Variants in TANC1 observed in about 807,000 individuals in gnomAD.
The protein encoded by TANC1 is tetratricopeptide repeat, ankyrin repeat and coiled-coil containing 1.
A neutral mutation model predicts 149.7 loss-of-function variants in TANC1; 77 were observed. The ratio of observed to expected loss-of-function variants is 0.51; its 90% CI spans 0.43 to 0.62. The LOEUF (loss-of-function observed/expected upper bound fraction) is 0.62. Among genes scored for constraint, TANC1 ranks in the 20% least tolerant of loss-of-function variants. The pLI, the probability that TANC1 is intolerant of heterozygous loss-of-function variation, is 0.00. For missense variants in TANC1, 1,985 were observed against 2,321.8 expected (o/e 0.85, Z 2.98); for synonymous variants, 854 against 925.0 (o/e 0.92, Z 1.39).
intron 7 of TANC1, among the ~76,000 whole-genome samples, chr2:159,151,472 T>C (rs1027307976): frequency 3.3e-5 from 5 of 152,246 alleles, no homozygotes; most frequent in African/African-American, 9.6e-5. Flanking sequence ...AACTCCCCTT[T>C]TGCTGAGTTA....
chr2:158,988,709 C>T (rs141469499), intron 1 of TANC1, among the ~76,000 whole-genome samples: 3 of 152,268 alleles, frequency 2.0e-5, no homozygotes, highest in East Asian at 3.9e-4. Context: ...AGGCTCTGTG[C>T]TAAGTGCTAG....
intron 4 of TANC1, among the ~76,000 whole-genome samples, chr2:159,125,014 A>G (rs1559304778): frequency 6.6e-6 from 1 of 152,082 alleles, no homozygotes; most frequent in Non-Finnish European, 1.5e-5. Context: ...AAGTGCTGGG[A>G]TTTCAGGCGT....
At chr2:159,213,426 C>G (rs917528388) in intron 19 of TANC1, among the ~76,000 whole-genome samples, 1 of 151,874 alleles carries the variant, frequency 6.6e-6, no homozygotes, top group African/African-American at 2.4e-5. Flanking sequence ...AACCCCCCCA[C>G]CTCTGTCTCA....
chr2:158,994,471 A>G (rs560466763), intron 1 of TANC1, among the ~76,000 whole-genome samples: 59 of 152,206 alleles, frequency 3.9e-4, no homozygotes, highest in African/African-American at 1.3e-3. Context: ...TGGGATGTCT[A>G]CTTGCCTAGG....
At chr2:159,035,007 A>T (rs889602531) in intron 2 of TANC1, among the ~76,000 whole-genome samples, 1 of 152,198 alleles carries the variant, frequency 6.6e-6, no homozygotes, top group African/African-American at 2.4e-5. Flanking sequence ...CGATGGAGAC[A>T]TGCTTTGGTC....
chr2:159,033,173 C>T (rs533833530), intron 2 of TANC1, among the ~76,000 whole-genome samples: 135 of 152,158 alleles, frequency 8.9e-4, no homozygotes, highest in Non-Finnish European at 1.7e-3. Flanking sequence ...CTGAAACTCC[C>T]GATTAAAAGC....
chr2:159,111,494 A>C (rs2047715460), intron 4 of TANC1, among the ~76,000 whole-genome samples: 1 of 152,188 alleles, frequency 6.6e-6, no homozygotes, highest in African/African-American at 2.4e-5. Flanking sequence ...CTGTCTCTTG[A>C]TGGCACAGCC....
rs777984907 is a variant in TANC1 at position 159,178,799 on chromosome 2, A to T, written c.2146A>T (p.Arg716Trp). Residue 716 changes from arginine to tryptophan, a missense_variant, in exon 14 of 27, where the codon AGG (arginine) becomes TGG (tryptophan). Physicochemically the swap from Arg to Trp is moderately radical, Grantham distance 101. Around this residue, in one of 3 missense-constraint regions of TANC1, gnomAD observed 508 missense variants for 714.2 expected, o/e 0.71. Transcript: ENST00000263635. ...CAAGCTCACCCTGGACCTTTTCCAG[A>T]GGGGCCACTTGGTCATTAAGAGTGC... The part of the protein sequence containing the change: ...YLKLTLDLFQ[R>W]GHLVIKSASY... The T allele has an allele frequency of 6.2e-7, 1 of 1,614,182 alleles. No individual in the cohort carries two copies. Among genetic ancestry groups the T allele is most frequent in the Non-Finnish European group, 8.5e-7 (1 of 1,180,032 alleles).
chr2:159,221,380 CA>C (rs2059698825), intron 22 of TANC1, among the ~76,000 whole-genome samples: 1 of 150,382 alleles, frequency 6.6e-6, no homozygotes, highest in Non-Finnish European at 1.5e-5. Context: ...GACTCAGTCT[CA>C]AAAAAATAAT....
chr2:159,030,844 C>A (rs2039721363), intron 2 of TANC1, among the ~76,000 whole-genome samples: 1 of 152,144 alleles, frequency 6.6e-6, no homozygotes, highest in South Asian at 2.1e-4. Context: ...GGCTTGGAAC[C>A]CCCATCTCAG....
rs149684664 is a variant in TANC1 at position 159,115,554 on chromosome 2, G to T, written c.259+17720G>T. Among the ~76,000 whole-genome samples, 11 of 152,258 alleles carry T rather than the reference G, an allele frequency of 7.2e-5. No homozygotes were observed. The East Asian group carries it at 1.7e-3, about 24-fold the overall frequency. ...GCTTCCTAGTCCTTTTAATCTCATG[G>T]CACATATAGGAGATTTTTGTACAGC... On this transcript the variant is annotated intron_variant, in intron 4 of 26. Coordinates refer to ENST00000263635, the MANE Select transcript of TANC1 (RefSeq NM_033394.3).
At chr2:159,158,723 G>A (rs1033904552) in intron 7 of TANC1, among the ~76,000 whole-genome samples, 21 of 152,218 alleles carry the variant, frequency 1.4e-4, no homozygotes, top group African/African-American at 4.8e-4. Flanking sequence ...TTATAAGTGG[G>A]CAGAAAGCTT....
intron 4 of TANC1, among the ~76,000 whole-genome samples, chr2:159,135,806 A>G (rs1348176680): frequency 6.6e-6 from 1 of 152,230 alleles, no homozygotes; most frequent in Admixed American, 6.5e-5. Flanking sequence ...GTTAGAGGAA[A>G]ATCAAACCCT....
intron 1 of TANC1, among the ~76,000 whole-genome samples, chr2:158,976,163 G>T (rs905736314): frequency 7.9e-5 from 12 of 152,200 alleles, no homozygotes; most frequent in African/African-American, 2.9e-4. Flanking sequence ...GTGGTCCCCA[G>T]AGTGGAGTGT....
chr2:159,136,532 T>C (rs1342020549), intron 5 of TANC1, among the ~76,000 whole-genome samples: 1 of 152,162 alleles, frequency 6.6e-6, no homozygotes, highest in Admixed American at 6.5e-5. Context: ...AAGGATTGAG[T>C]CCTATTTCCT....
chr2:159,041,693 G>C (rs192869218), intron 2 of TANC1, among the ~76,000 whole-genome samples: 1 of 152,286 alleles, frequency 6.6e-6, no homozygotes, highest in South Asian at 2.1e-4. Context: ...AGTCTGCCAC[G>C]GCTTCCCTTG....
chr2:159,176,582 A>T, intron 13 of TANC1, 64 bp downstream of exon 13: 1 of 1,287,288 alleles, frequency 7.8e-7, no homozygotes, highest in Non-Finnish European at 1.1e-6. Context: ...ATAAATGTTA[A>T]TAACGTAAAA....
Position 159,175,051 on chromosome 2 carries a change from G to C in TANC1, c.1602G>C (p.Gln534His). ...CAGCTTTGCTCTGCCGGTCCCATCA[G>C]CTGGCCGCCTACAGAGACCTTCTGA... ...SIAALLCRSH[Q>H]LAAYRDLLIK... The change falls in exon 12 of 27, where the codon CAG becomes CAC. Residue 534 changes from glutamine to histidine, a missense_variant. Physicochemically the swap from Gln to His is conservative, Grantham distance 24. Coordinates refer to ENST00000263635, the MANE Select transcript of TANC1 (RefSeq NM_033394.3). 1 of 1,614,218 alleles carries C rather than the reference G, an allele frequency of 6.2e-7. No individual in the cohort carries two copies. Among genetic ancestry groups the C allele is most frequent in the Non-Finnish European group, 8.5e-7 (1 of 1,180,044 alleles).
At chr2:159,147,026 C>A (rs2052204494) in intron 5 of TANC1, among the ~76,000 whole-genome samples, 2 of 152,144 alleles carry the variant, frequency 1.3e-5, no homozygotes, top group African/African-American at 4.8e-5. Flanking sequence ...TGTTGCGGTC[C>A]CCCTGCTGCA....
Sources: allele counts gnomAD v4.1 joint callset (sites outside exome capture counted in the v4.1 genomes callset), GRCh38; gene constraint gnomAD v4.1.1; regional missense constraint gnomAD v4.1.1; transcripts MANE v1.5; gene names NCBI Gene and HGNC (gene_info 2026-07-23, HGNC 2026-07-21).